Variants in KLHDC1 observed in about 807,000 individuals in gnomAD.
KLHDC1 encodes kelch domain containing 1, also known as kelch domain-containing protein 1.
Under a neutral mutation model 68.3 loss-of-function variants are expected in KLHDC1, and 53 were observed. That is an observed-to-expected ratio of 0.78 (90% CI 0.62 to 0.98). The LOEUF is 0.98. Ranked by LOEUF, KLHDC1 falls within the 50% of genes least tolerant of loss-of-function variation. KLHDC1 has a pLI of 0.00. For missense variants in KLHDC1, 470 were observed against 492.3 expected (o/e 0.95, Z 0.43); for synonymous variants, 148 against 159.0 (o/e 0.93, Z 0.52).
At chr14:49,709,108 CTG>C in intron 1 of KLHDC1, 49 bp from the exon 2 acceptor site, 1 of 773,712 alleles carries the variant, frequency 1.3e-6, no homozygotes, top group Non-Finnish European at 2.2e-6. Context: ...AGCTGTGTAA[CTG>C]TTTGCTGTGT....
At chr14:49,719,920 G>T (rs1888483088) in intron 4 of KLHDC1, among the ~76,000 whole-genome samples, 1 of 151,728 alleles carries the variant, frequency 6.6e-6, no homozygotes, top group Non-Finnish European at 1.5e-5. Context: ...AAACTCCTGG[G>T]CTCAAGCGTT....
intron 4 of KLHDC1, among the ~76,000 whole-genome samples, chr14:49,723,635 A>G (rs1329502849): frequency 6.6e-6 from 1 of 152,194 alleles, no homozygotes; most frequent in Non-Finnish European, 1.5e-5. Context: ...TATGTGCTGG[A>G]TTCTTCCTCT....
intron 4 of KLHDC1, among the ~76,000 whole-genome samples, chr14:49,716,576 G>T (rs900270888): frequency 2.6e-5 from 4 of 151,908 alleles, no homozygotes; most frequent in African/African-American, 9.7e-5. Flanking sequence ...TAGAGGCGGG[G>T]TTTCACCATG....
chr14:49,726,519 C>T (rs981659547), intron 6 of KLHDC1, among the ~76,000 whole-genome samples: 1 of 152,074 alleles, frequency 6.6e-6, no homozygotes, highest in Non-Finnish European at 1.5e-5. Flanking sequence ...AGTGTCATGC[C>T]CTGATTTAAT....
intron 10 of KLHDC1, among the ~76,000 whole-genome samples, chr14:49,735,245 A>G (rs1888903887): frequency 6.6e-6 from 1 of 151,934 alleles, no homozygotes; most frequent in Non-Finnish European, 1.5e-5. Flanking sequence ...CATTTGTACT[A>G]TAATTCTTGT....
At chr14:49,713,825 TATATATATA>T (rs1888283743) in intron 4 of KLHDC1, among the ~76,000 whole-genome samples, 30 of 3,532 alleles carry the variant, frequency 8.5e-3, no homozygotes, top group East Asian at 0.019. Context: ...TATATATATA[TATATATATA>T]TATATATATA....
rs529837987 is a variant in KLHDC1, at chr14:49,740,333, G to A, written c.981+151G>A. 5 of 572,236 alleles carry A rather than the reference G, an allele frequency of 8.7e-6. No individual in the cohort carries two copies. In the South Asian group the frequency reaches 1.1e-4, roughly 13 times the overall value. The allele number at this position is 572,236 out of a possible 1,614,324, so 35.4% of individuals were successfully genotyped here. ...GGTTTAATTAATCTTCAGGATGACT[G>A]GCTTTTTTGTTTGTTTGTTTTTGAG... On this transcript the variant is annotated intron_variant, in intron 11 of 12. Transcript: ENST00000359332.
chr14:49,727,301 A>G (rs972255988), intron 6 of KLHDC1, among the ~76,000 whole-genome samples: 1 of 152,050 alleles, frequency 6.6e-6, no homozygotes, highest in Non-Finnish European at 1.5e-5. Flanking sequence ...CTACTTGGGC[A>G]TGTTCCTACC....
intron 4 of KLHDC1, among the ~76,000 whole-genome samples, chr14:49,716,620 G>T (rs1594662399): frequency 3.3e-5 from 5 of 152,214 alleles, no homozygotes; most frequent in Admixed American, 3.3e-4. Flanking sequence ...CTGACCTCAG[G>T]TGATCCGCGC....
chr14:49,709,355 C>T, intron 2 of KLHDC1, 126 bp downstream of exon 2: 1 of 508,440 alleles, frequency 2.0e-6, no homozygotes, highest in South Asian at 3.6e-5. Context: ...CCTTTCCTTT[C>T]CTTTCAATGC....
chr14:49,733,819 G>T (rs1888871590), intron 9 of KLHDC1, among the ~76,000 whole-genome samples: 1 of 152,026 alleles, frequency 6.6e-6, no homozygotes, highest in Middle Eastern at 3.2e-3. Flanking sequence ...TATATATTAG[G>T]GTCTGGAAAC....
intron 1 of KLHDC1, among the ~76,000 whole-genome samples, chr14:49,706,671 G>A (rs543901117): frequency 4.6e-5 from 7 of 152,178 alleles, no homozygotes; most frequent in African/African-American, 1.7e-4. Context: ...GATAAAAGCC[G>A]TTTTAACTGA....
At chr14:49,725,441 A>T (rs1303007094) in intron 5 of KLHDC1, among the ~76,000 whole-genome samples, 1 of 152,310 alleles carries the variant, frequency 6.6e-6, no homozygotes, top group Non-Finnish European at 1.5e-5. Flanking sequence ...AAGATTGTCA[A>T]CAAGTAAAAT....
At chr14:49,718,943 A>AT (rs1311126187) in intron 4 of KLHDC1, among the ~76,000 whole-genome samples, 1 of 148,214 alleles carries the variant, frequency 6.7e-6, no homozygotes. Context: ...CACCCACCTA[A>AT]TTTTTTTGTA....
At chr14:49,737,302 A>G (rs2139763079) in intron 10 of KLHDC1, among the ~76,000 whole-genome samples, 1 of 152,280 alleles carries the variant, frequency 6.6e-6, no homozygotes, top group Non-Finnish European at 1.5e-5. Context: ...CAACATCTCT[A>G]ATGACTTAGT....
chr14:49,720,057 G>A (rs997949633), intron 4 of KLHDC1, among the ~76,000 whole-genome samples: 2 of 151,248 alleles, frequency 1.3e-5, no homozygotes, highest in Admixed American at 1.3e-4. Flanking sequence ...CGCGATCTTG[G>A]CTCACCACAA....
At chr14:49,717,879 A>G (rs868247285) in intron 4 of KLHDC1, among the ~76,000 whole-genome samples, 1 of 151,990 alleles carries the variant, frequency 6.6e-6, no homozygotes, top group Non-Finnish European at 1.5e-5. Flanking sequence ...TTCTTGAGAT[A>G]TAATTTATTT....
intron 1 of KLHDC1, among the ~76,000 whole-genome samples, chr14:49,703,065 T>G (rs943179548): frequency 6.7e-6 from 1 of 148,672 alleles, no homozygotes; most frequent in Non-Finnish European, 1.5e-5. Flanking sequence ...ACTTAATTTT[T>G]GAATTTGAAA....
At chr14:49,751,473 A>G (rs1389898385) in intron 12 of KLHDC1, 113 bp from the exon 13 acceptor site, 3 of 490,248 alleles carry the variant, frequency 6.1e-6, no homozygotes, top group Admixed American at 4.1e-5. Flanking sequence ...TTAAAAAAAG[A>G]TCTGTGAAAG....
Sources: gnomAD v4.1 joint callset for allele counts (sites outside exome capture counted in the v4.1 genomes callset) on GRCh38, gnomAD v4.1.1 for gene constraint, MANE v1.5 for transcripts, NCBI Gene and HGNC (gene_info 2026-07-23, HGNC 2026-07-21) for gene names.